The following ATG4A variants were observed in gnomAD, a reference collection of about 807,000 sequenced individuals.
The protein encoded by ATG4A is autophagy related 4A cysteine peptidase.
In ATG4A, 22 loss-of-function variants were observed where a neutral mutation model predicts 38.4. The observed-to-expected ratio is 0.57, with a 90% CI of 0.41 to 0.82. The LOEUF (loss-of-function observed/expected upper bound fraction) is 0.82. Ranked by LOEUF, ATG4A falls within the 40% of genes least tolerant of loss-of-function variation. The pLI, the probability that ATG4A is intolerant of heterozygous loss-of-function variation, is 0.00. For synonymous variants in ATG4A, 86 were observed against 100.7 expected, an observed-to-expected ratio of 0.85 and a Z score of 0.88; for missense variants, 220 against 290.0, an observed-to-expected ratio of 0.76 and a Z score of 1.75.
chrX:108,128,924 T>C lies in ATG4A; in HGVS notation c.193+72T>C, dbSNP rs374736744. ...TTGCCTGAGGTTATCAGTGACTTCATAGAAACCTCAGAATTAACAGTTCAC... is the reference window on the plus strand; with the variant it reads ...TTGCCTGAGGTTATCAGTGACTTCACAGAAACCTCAGAATTAACAGTTCAC... On this transcript the variant is annotated intron_variant, in intron 3 of 12. Coordinates refer to ENST00000372232, the MANE Select transcript of ATG4A (RefSeq NM_052936.5). 9 of 706,414 alleles carry C rather than the reference T, an allele frequency of 1.3e-5. No homozygotes were observed. The African/African-American group carries it at 2.0e-4, about 16-fold the overall frequency. The allele number at this position is 706,414 out of a possible 1,213,427, so 58.2% of individuals were successfully genotyped here.
At chrX:108,115,347 A>T (rs773329232) in intron 1 of ATG4A, among the ~76,000 whole-genome samples, 30 of 111,370 alleles carry the variant, frequency 2.7e-4, no homozygotes, top group African/African-American at 9.8e-4. Context: ...GTGAAATTTT[A>T]TGTATGTGTA....
intron 9 of ATG4A, among the ~76,000 whole-genome samples, chrX:108,144,912 C>T: frequency 8.9e-6 from 1 of 112,100 alleles, no homozygotes. Context: ...GAAGTTATGC[C>T]CACTGGAAAG....
chrX:108,141,097 T>C (rs1040140274), intron 9 of ATG4A, among the ~76,000 whole-genome samples: 3 of 82,326 alleles, frequency 3.6e-5, no homozygotes, highest in Non-Finnish European at 6.9e-5. Flanking sequence ...TATATATATA[T>C]ATATATATAT....
At position 108,103,105 on chromosome X, in the gene ATG4A, TGTTA is replaced by T. The variant is rs775797462; in HGVS notation, c.10+11277_10+11280del. ...TGTGGTGTTAGGTTTTCTGTTCCTATGTTAGTTAGTTGAGGATGATGGCTTCCAG... is the reference window on the plus strand; with the variant it reads ...TGTGGTGTTAGGTTTTCTGTTCCTATGTTAGTTGAGGATGATGGCTTCCAG... On this transcript the variant is annotated intron_variant, in intron 1 of 12. Coordinates refer to ENST00000372232, the MANE Select transcript of ATG4A (RefSeq NM_052936.5). Among the ~76,000 whole-genome samples, 9 of 111,299 alleles carry T rather than the reference TGTTA, an allele frequency of 8.1e-5. No homozygotes were observed. The East Asian group carries it at 1.4e-3, about 17-fold the overall frequency.
chrX:108,134,058 CTG>C lies in ATG4A; in HGVS notation c.295_296del (p.Trp99GlufsTer22), dbSNP rs1445054753. On this transcript the variant is annotated frameshift_variant and splice_region_variant, in exon 5 of 13. Transcript: ENST00000372232. LOFTEE classifies it high-confidence loss of function. ...AACCCATTTTTTTTTCTTAAAAAGA[CTG>C]GAGCTGGGAGAAACAAAAAGAACAA... ...ALICRHLGRD[W>X]SWEKQKEQPK... 1.3e-5 allele frequency: 16 copies of C among 1,186,751 alleles called. No homozygotes were observed. Among genetic ancestry groups the C allele is most frequent in the Non-Finnish European group, 1.8e-5 (16 of 885,741 alleles).
At chrX:108,136,317 G>T (rs1439653268) in intron 6 of ATG4A, among the ~76,000 whole-genome samples, 1 of 111,341 alleles carries the variant, frequency 9.0e-6, no homozygotes, top group Non-Finnish European at 1.9e-5. Flanking sequence ...CCCAGACGTA[G>T]CCGGGTTAAA....
chrX:108,141,071 CATATATAT>C (rs139918190), intron 9 of ATG4A, among the ~76,000 whole-genome samples: 361 of 35,044 alleles, frequency 0.01, 3 homozygotes, highest in Non-Finnish European at 0.014. Context: ...TATATATATA[CATATATAT>C]ATATATATAT....
chrX:108,110,045 T>C (rs1167113276), intron 1 of ATG4A, among the ~76,000 whole-genome samples: 2 of 110,095 alleles, frequency 1.8e-5, no homozygotes, highest in Non-Finnish European at 3.8e-5. Context: ...TACATGTTTA[T>C]GGGATACATG....
At chrX:108,103,110 G>A (rs952261798) in intron 1 of ATG4A, among the ~76,000 whole-genome samples, 1 of 111,178 alleles carries the variant, frequency 9.0e-6, no homozygotes, top group Non-Finnish European at 1.9e-5. Flanking sequence ...TCCTATGTTA[G>A]TTAGTTGAGG....
intron 9 of ATG4A, among the ~76,000 whole-genome samples, chrX:108,146,940 T>C (rs1458266651): frequency 1.8e-5 from 2 of 112,272 alleles, no homozygotes; most frequent in African/African-American, 6.5e-5. Context: ...CTGATCCAAC[T>C]CTGTGTTCTT....
At chrX:108,118,798 G>T (rs2032577946) in intron 1 of ATG4A, among the ~76,000 whole-genome samples, 1 of 112,166 alleles carries the variant, frequency 8.9e-6, no homozygotes, top group South Asian at 3.7e-4. Context: ...AATCTTCCCT[G>T]ATGACTCCAG....
At chrX:108,114,202 T>C (rs1190620120) in intron 1 of ATG4A, among the ~76,000 whole-genome samples, 2 of 111,935 alleles carry the variant, frequency 1.8e-5, no homozygotes, top group African/African-American at 6.5e-5. Flanking sequence ...CTTTTTTTAT[T>C]GGCTACACCG....
intron 6 of ATG4A, among the ~76,000 whole-genome samples, chrX:108,134,820 AC>A (rs2033054930): frequency 9.0e-6 from 1 of 111,201 alleles, no homozygotes; most frequent in African/African-American, 3.3e-5. Flanking sequence ...ATATTTAAAA[AC>A]CCTGTTCATT....
intron 1 of ATG4A, among the ~76,000 whole-genome samples, chrX:108,112,342 A>T (rs2032377359): frequency 9.0e-6 from 1 of 111,214 alleles, no homozygotes; most frequent in South Asian, 3.8e-4. Flanking sequence ...GTGAGCTTTT[A>T]ACATTTTAAC....
intron 1 of ATG4A, among the ~76,000 whole-genome samples, chrX:108,112,558 A>AT (rs987797657): frequency 1.9e-5 from 2 of 107,808 alleles, no homozygotes; most frequent in African/African-American, 3.4e-5. Context: ...CGCCCGGCTA[A>AT]TTTTTTTTTG....
chrX:108,094,985 C>T (rs771057558), intron 1 of ATG4A, among the ~76,000 whole-genome samples: 219 of 112,694 alleles, frequency 1.9e-3, no homozygotes, highest in Non-Finnish European at 2.5e-3. Context: ...GACAGAGTCT[C>T]ACTCTGTCAC....
intron 1 of ATG4A, among the ~76,000 whole-genome samples, chrX:108,103,198 G>A (rs972586543): frequency 8.9e-5 from 10 of 112,051 alleles, no homozygotes; most frequent in African/African-American, 3.3e-4. Flanking sequence ...AGTATTGCAT[G>A]GTGCAGATGT....
At chrX:108,109,189 C>T (rs1180883052) in intron 1 of ATG4A, among the ~76,000 whole-genome samples, 1 of 111,958 alleles carries the variant, frequency 8.9e-6, no homozygotes, top group African/African-American at 3.2e-5. Flanking sequence ...CTATAGTCAT[C>T]CTAATGGGTG....
chrX:108,137,596 T>C (rs1043404937), intron 7 of ATG4A, among the ~76,000 whole-genome samples: 2 of 111,294 alleles, frequency 1.8e-5, no homozygotes. Flanking sequence ...GCTAAACAAG[T>C]ACCCAGTGGC....
Sources: allele counts gnomAD v4.1 joint callset (sites outside exome capture counted in the v4.1 genomes callset), GRCh38; gene constraint gnomAD v4.1.1; transcripts MANE v1.5; gene names NCBI Gene and HGNC (gene_info 2026-07-23, HGNC 2026-07-21).